PLXNA4: variants seen among roughly 807,000 people sequenced by gnomAD.
PLXNA4 encodes plexin-A4.
In PLXNA4, 44 loss-of-function variants were observed where a neutral mutation model predicts 191.8. The ratio of observed to expected loss-of-function variants is 0.23; its 90% CI spans 0.18 to 0.29. The LOEUF (loss-of-function observed/expected upper bound fraction) is 0.29, where lower values mean the gene tolerates loss of function less well. Among genes scored for constraint, PLXNA4 ranks in the 10% least tolerant of loss-of-function variants. The pLI is 1.00. For missense variants in PLXNA4, 1,800 were observed against 2,488.8 expected (o/e 0.72, Z 5.89); for synonymous variants, 1,082 against 1,009.5 (o/e 1.07, Z -1.36).
chr7:132,400,528 T>C (rs557736145), intron 3 of PLXNA4, among the ~76,000 whole-genome samples: 72 of 152,298 alleles, frequency 4.7e-4, no homozygotes, highest in Non-Finnish European at 7.8e-4. Context: ...TGTGACATAA[T>C]GTACCCCAGC....
At chr7:132,142,981 C>T (rs1795314100) in intron 29 of PLXNA4, among the ~76,000 whole-genome samples, 1 of 152,138 alleles carries the variant, frequency 6.6e-6, no homozygotes, top group African/African-American at 2.4e-5. Context: ...GAGGTTCCCG[C>T]CTAATGAAAT....
rs765977703 is a variant in PLXNA4 at position 132,165,115 on chromosome 7, C to T, written c.4353+19G>A. On this transcript the variant is annotated intron_variant, in intron 23 of 31. Transcript: ENST00000321063. ...AATGAACGAGGCAAGGCCAGAAATA[C>T]GTCCACATCCAACCCTACCTTGAGG... 10 of 1,609,680 alleles carry T rather than the reference C, an allele frequency of 6.2e-6. No homozygotes were observed. Among genetic ancestry groups the T allele is most frequent in the East Asian group, 4.5e-5 (2 of 44,722 alleles).
rs1585091406 is a variant in PLXNA4 at position 132,405,389 on chromosome 7, C to T, written c.1371+83903G>A. Among the ~76,000 whole-genome samples the T allele has an allele frequency of 2.0e-5, 3 of 152,176 alleles. No individual in the cohort carries two copies. In the East Asian group the frequency reaches 5.8e-4, roughly 29 times the overall value. On this transcript the variant is annotated intron_variant, in intron 3 of 31. Coordinates refer to ENST00000321063, the MANE Select transcript of PLXNA4 (RefSeq NM_020911.2). Reference sequence around the variant, plus strand: ...GATTCCATACCTGCTACATTGGACTCACCACGAGATGCTGAGCCAGCCATC... The same window carrying T: ...GATTCCATACCTGCTACATTGGACTTACCACGAGATGCTGAGCCAGCCATC...
At chr7:132,236,952 G>A (rs1376560826) in intron 5 of PLXNA4, among the ~76,000 whole-genome samples, 1 of 152,188 alleles carries the variant, frequency 6.6e-6, no homozygotes, top group Non-Finnish European at 1.5e-5. Context: ...TGAAAGGGAG[G>A]GCAGATCAGG....
At chr7:132,321,562 T>C (rs1237093587) in intron 3 of PLXNA4, among the ~76,000 whole-genome samples, 1 of 152,168 alleles carries the variant, frequency 6.6e-6, no homozygotes, top group Non-Finnish European at 1.5e-5. Flanking sequence ...AAGGCCTTGT[T>C]CAAAGCAACA....
chr7:132,409,347 AG>A (rs1162124088), intron 3 of PLXNA4, among the ~76,000 whole-genome samples: 1 of 152,142 alleles, frequency 6.6e-6, no homozygotes, highest in Non-Finnish European at 1.5e-5. Context: ...CCCCTATGGC[AG>A]CTCCAGCCCC....
chr7:132,282,870 A>G (rs909978481), intron 4 of PLXNA4, among the ~76,000 whole-genome samples: 7 of 151,968 alleles, frequency 4.6e-5, no homozygotes, highest in African/African-American at 1.7e-4. Flanking sequence ...TCAGCATTCA[A>G]CTTTATTTTA....
intron 30 of PLXNA4, among the ~76,000 whole-genome samples, chr7:132,137,135 T>G (rs962628807): frequency 6.6e-6 from 1 of 152,266 alleles, no homozygotes; most frequent in Non-Finnish European, 1.5e-5. Context: ...CTAGACTATA[T>G]CTTGCTCCCA....
At chr7:132,290,764 A>G (rs1800855544) in intron 4 of PLXNA4, among the ~76,000 whole-genome samples, 1 of 152,146 alleles carries the variant, frequency 6.6e-6, no homozygotes, top group Admixed American at 6.5e-5. Flanking sequence ...CAGTTAAATC[A>G]TGACAAAATG....
At chr7:132,394,841 C>T (rs1045562487) in intron 3 of PLXNA4, among the ~76,000 whole-genome samples, 6 of 152,212 alleles carry the variant, frequency 3.9e-5, no homozygotes, top group African/African-American at 1.4e-4. Context: ...AGCTCCTGCC[C>T]TTCCTCCCGC....
intron 1 of PLXNA4, among the ~76,000 whole-genome samples, chr7:132,536,714 C>T (rs955015282): frequency 2.0e-5 from 3 of 152,196 alleles, no homozygotes; most frequent in East Asian, 1.9e-4. Flanking sequence ...GAGCCAGCCA[C>T]GGAGCTATGC....
chr7:132,439,646 T>C (rs576334696), intron 3 of PLXNA4, among the ~76,000 whole-genome samples: 1 of 152,266 alleles, frequency 6.6e-6, no homozygotes, highest in East Asian at 1.9e-4. Flanking sequence ...AACCAAAACA[T>C]TTGCAAACCA....
chr7:132,634,462 GCACA>G (rs146537137), intron 2 of PLXNA4, among the ~76,000 whole-genome samples: 8 of 146,624 alleles, frequency 5.5e-5, no homozygotes, highest in South Asian at 2.2e-4. Context: ...CACTGCCCCA[GCACA>G]CACACACACA....
chr7:132,302,209 T>C (rs1220196674), intron 3 of PLXNA4, among the ~76,000 whole-genome samples: 1 of 152,192 alleles, frequency 6.6e-6, no homozygotes, highest in Non-Finnish European at 1.5e-5. Flanking sequence ...ATATTTTTTA[T>C]AAATGGTCTG....
chr7:132,529,795 C>T (rs376469246), intron 1 of PLXNA4, among the ~76,000 whole-genome samples: 12 of 152,068 alleles, frequency 7.9e-5, no homozygotes, highest in East Asian at 5.8e-4. Flanking sequence ...TTAGTAGAGA[C>T]GGGGTTTCAC....
chr7:132,384,873 T>C, intron 3 of PLXNA4: 2 of 1,189,612 alleles, frequency 1.7e-6, no homozygotes, highest in Non-Finnish European at 2.1e-6. Flanking sequence ...GATAACTATA[T>C]TCCGATGGGA....
At chr7:132,279,850 G>T (rs767040804) in intron 4 of PLXNA4, among the ~76,000 whole-genome samples, 95 of 152,294 alleles carry the variant, frequency 6.2e-4, no homozygotes, top group Non-Finnish European at 1.1e-3. Context: ...ACATTAGCAT[G>T]ACTTGAGATG....
chr7:132,394,467 C>T (rs1177195424), intron 3 of PLXNA4, among the ~76,000 whole-genome samples: 1 of 152,206 alleles, frequency 6.6e-6, no homozygotes, highest in Non-Finnish European at 1.5e-5. Context: ...CAAGTCACTT[C>T]ACCTCTCTGA....
Position 132,507,703 on chromosome 7 carries a change from C to G in PLXNA4, c.991G>C (p.Asp331His), listed in dbSNP as rs775613808. ...AAGACGGTGAAGAGCAGGTCATCAT[C>G]TGGATGGACTCCAAGGGTCCTGCCA... ...VLGRTLGVHP[D>H]DDLLFTVFSK... The change falls in exon 2 of 32, where the codon GAT becomes CAT. Residue 331 changes from aspartate to histidine, a missense_variant. By Grantham distance (81) the Asp-to-His change is moderately conservative. Coordinates refer to ENST00000321063, the MANE Select transcript of PLXNA4 (RefSeq NM_020911.2). 10 of 1,614,112 alleles carry G rather than the reference C, an allele frequency of 6.2e-6. 1 individual carries two copies. In the South Asian group the frequency reaches 8.8e-5, roughly 14 times the overall value.
Sources: allele counts gnomAD v4.1 joint callset (sites outside exome capture counted in the v4.1 genomes callset), GRCh38; gene constraint gnomAD v4.1.1; transcripts MANE v1.5; gene names NCBI Gene and HGNC (gene_info 2026-07-23, HGNC 2026-07-21).